Variants in AEBP2 observed in about 807,000 individuals in gnomAD.
AEBP2 encodes AE binding protein 2.
A neutral mutation model predicts 50.8 loss-of-function variants in AEBP2; 10 were observed. The ratio of observed to expected loss-of-function variants is 0.20; its 90% CI spans 0.12 to 0.33. AEBP2 has a LOEUF of 0.33. Among genes scored for constraint, AEBP2 ranks in the 10% least tolerant of loss-of-function variants. The pLI is 1.00. For missense variants in AEBP2, 570 were observed against 688.0 expected, an observed-to-expected ratio of 0.83 and a Z score of 1.92; for synonymous variants, 296 against 261.3, an observed-to-expected ratio of 1.13 and a Z score of -1.28.
chr12:19,487,450 G>C (rs1948826856), intron 3 of AEBP2, among the ~76,000 whole-genome samples: 1 of 152,170 alleles, frequency 6.6e-6, no homozygotes, highest in Admixed American at 6.5e-5. Context: ...AGGTGCAGTG[G>C]TTCACACCTG....
chr12:19,465,038 T>C (rs1948446602), intron 2 of AEBP2, among the ~76,000 whole-genome samples: 1 of 152,202 alleles, frequency 6.6e-6, no homozygotes, highest in South Asian at 2.1e-4. Context: ...TGTGATTTCT[T>C]GAACCCTTAT....
At chr12:19,504,448 G>A (rs141409315) in intron 5 of AEBP2, among the ~76,000 whole-genome samples, 17 of 151,680 alleles carry the variant, frequency 1.1e-4, no homozygotes, top group Middle Eastern at 6.8e-3. Flanking sequence ...CACCGTGTTA[G>A]CAAGGATGCT....
At chr12:19,457,938 G>A (rs1167261732) in intron 1 of AEBP2, among the ~76,000 whole-genome samples, 1 of 152,192 alleles carries the variant, frequency 6.6e-6, no homozygotes, top group African/African-American at 2.4e-5. Flanking sequence ...CATAGTGTGA[G>A]TGTATTGTCT....
chr12:19,513,801 TG>T (rs1300418372), intron 6 of AEBP2, among the ~76,000 whole-genome samples: 2 of 152,002 alleles, frequency 1.3e-5, no homozygotes. Flanking sequence ...CCTAATGTTT[TG>T]GAAATTGATT....
At chr12:19,513,645 C>T (rs1949269754) in intron 6 of AEBP2, among the ~76,000 whole-genome samples, 1 of 152,034 alleles carries the variant, frequency 6.6e-6, no homozygotes, top group South Asian at 2.1e-4. Flanking sequence ...CGCCTGTAGT[C>T]CCAGATACTC....
intron 3 of AEBP2, among the ~76,000 whole-genome samples, chr12:19,485,299 T>A (rs545789361): frequency 5.3e-5 from 8 of 152,170 alleles, no homozygotes; most frequent in Non-Finnish European, 1.0e-4. Flanking sequence ...TTAAGGTATA[T>A]GATTTAGTGA....
chr12:19,417,062 G>A lies in AEBP2; in HGVS notation c.-17+12846G>A, dbSNP rs573911463. ...AATTGTTTGTATTTTTAGTAGAGAC[G>A]GGATTTCACCGTGTTAACCAGGATG... On this transcript the variant is annotated intron_variant, in intron 1 of 3. Transcript: ENST00000538425. Among the ~76,000 whole-genome samples the A allele has an allele frequency of 9.2e-5, 14 of 151,616 alleles. No individual in the cohort carries two copies. In the South Asian group the frequency reaches 2.5e-3, roughly 27 times the overall value.
chr12:19,478,703 C>G (rs906084120), intron 3 of AEBP2, among the ~76,000 whole-genome samples: 1 of 152,102 alleles, frequency 6.6e-6, no homozygotes, highest in Non-Finnish European at 1.5e-5. Context: ...TTTTAATTTC[C>G]ACCTTGATTT....
Position 19,440,061 on chromosome 12 carries a change from G to A in AEBP2, c.362G>A (p.Ser121Asn). 1 of 1,517,052 alleles carries A rather than the reference G, an allele frequency of 6.6e-7. No homozygotes were observed. Among genetic ancestry groups the A allele is most frequent in the African/African-American group, 1.4e-5 (1 of 70,146 alleles). 94.0% of individuals were successfully genotyped at this position (1,517,052 alleles called of 1,614,324 possible). A position where few individuals can be genotyped will look rare whatever the true frequency, so the allele number is the denominator to read the frequency against. ...AGCGGCGGGGGTGAGGAGGAGAGTA[G>A]CGCCGAGAGCCTGGTGGGCAGCAGC... ...SSSGGGEEES[S>N]AESLVGSSGG... is the part of the protein sequence containing the mutation. Residue 121 changes from serine to asparagine, a missense_variant, in exon 1 of 8, where the codon AGC becomes AAC. Around this residue, in one of 2 missense-constraint regions of AEBP2, gnomAD observed 386 missense variants for 336.8 expected, o/e 1.15. Transcript: ENST00000266508.
At chr12:19,412,265 T>A (rs1464775883) in intron 1 of AEBP2, among the ~76,000 whole-genome samples, 1 of 152,156 alleles carries the variant, frequency 6.6e-6, no homozygotes, top group Non-Finnish European at 1.5e-5. Context: ...CAAAGTTTTT[T>A]ATTTTTTTAA....
chr12:19,503,677 GTT>G (rs1299071697), intron 5 of AEBP2, among the ~76,000 whole-genome samples: 1 of 143,506 alleles, frequency 7.0e-6, no homozygotes. Context: ...ACATCCTTGG[GTT>G]TTTTTTTTTT....
chr12:19,486,414 C>G (rs1280619730), intron 3 of AEBP2, among the ~76,000 whole-genome samples: 3 of 151,700 alleles, frequency 2.0e-5, no homozygotes, highest in Non-Finnish European at 4.4e-5. Flanking sequence ...TTTTTTGAGA[C>G]GGGGTCTCAC....
intron 2 of AEBP2, 137 bp downstream of exon 2, chr12:19,462,854 A>G: frequency 1.3e-6 from 1 of 789,432 alleles, no homozygotes; most frequent in Non-Finnish European, 2.0e-6. Flanking sequence ...TGAATTTTTA[A>G]TAATTATTTC....
chr12:19,408,967 T>C (rs2095737818), intron 1 of AEBP2, among the ~76,000 whole-genome samples: 1 of 152,006 alleles, frequency 6.6e-6, no homozygotes, highest in Non-Finnish European at 1.5e-5. Flanking sequence ...AAAAAATTTT[T>C]TTTTGTTTCT....
At position 19,493,788 on chromosome 12, in the gene AEBP2, A is replaced by G. The variant is rs769791642; in HGVS notation, c.988-12A>G. The G allele has an allele frequency of 1.6e-5, 26 of 1,610,416 alleles. No homozygotes were observed. The highest frequency in any genetic ancestry group is 2.0e-5 in the Non-Finnish European group (24 of 1,178,374). On this transcript the variant is annotated splice_polypyrimidine_tract_variant and intron_variant, in intron 3 of 7. Transcript: ENST00000266508. ...GCATGCCTGACGTTATTTCTGTTTT[A>G]TTTTCTTTTAGTGTGTTGTTGGTGG... is the stretch of plus-strand genomic sequence containing the variant.
At chr12:19,495,305 G>A (rs181646635) in intron 4 of AEBP2, among the ~76,000 whole-genome samples, 6 of 152,228 alleles carry the variant, frequency 3.9e-5, no homozygotes, top group African/African-American at 7.2e-5. Flanking sequence ...AGGTGAATTA[G>A]AAAGAAAAAA....
At chr12:19,456,682 T>C (rs1229062994) in intron 1 of AEBP2, 5 of 1,573,284 alleles carry the variant, frequency 3.2e-6, no homozygotes, top group African/African-American at 1.4e-5. Flanking sequence ...CGAACATCCT[T>C]GACAGACACA....
intron 5 of AEBP2, among the ~76,000 whole-genome samples, chr12:19,502,132 G>A (rs969471706): frequency 1.3e-5 from 2 of 151,854 alleles, no homozygotes; most frequent in African/African-American, 4.8e-5. Flanking sequence ...CCTGTTATTT[G>A]TACCTACTTT....
chr12:19,502,678 C>T (rs375483390), intron 5 of AEBP2, among the ~76,000 whole-genome samples: 19 of 145,972 alleles, frequency 1.3e-4, no homozygotes, highest in Non-Finnish European at 2.3e-4. Context: ...GATGGACTTT[C>T]GCTCTTGTTG....
Sources: allele counts gnomAD v4.1 joint callset (sites outside exome capture counted in the v4.1 genomes callset), GRCh38; gene constraint gnomAD v4.1.1; regional missense constraint gnomAD v4.1.1; transcripts MANE v1.5; gene names NCBI Gene and HGNC (gene_info 2026-07-23, HGNC 2026-07-21).